HTT: variants seen among roughly 807,000 people sequenced by gnomAD.
HTT encodes huntington disease protein.
A neutral mutation model predicts 362.3 loss-of-function variants in HTT; 104 were observed. The ratio of observed to expected loss-of-function variants is 0.29; its 90% CI spans 0.24 to 0.34. The LOEUF (loss-of-function observed/expected upper bound fraction) is 0.34. HTT is among the 10% of genes least tolerant of loss of function. The pLI is 1.00. For synonymous variants in HTT, 1,577 were observed against 1,548.7 expected (o/e 1.02, Z -0.43); for missense variants, 3,301 against 3,928.6 (o/e 0.84, Z 4.27).
At chr4:3,238,730 G>GGCCCCCCCCCCACCCCCCCCC in intron 65 of HTT, 88 bp from the exon 66 acceptor site, 1 of 1,097,040 alleles carries the variant, frequency 9.1e-7, no homozygotes, top group Non-Finnish European at 1.3e-6. Flanking sequence ...AATGCCTCTG[G>GGCCCCCCCCCCACCCCCCCCC]CCCCCACCCC....
Position 3,187,639 on chromosome 4 carries a change from T to A in HTT, c.4990-12T>A. ...TTCTTCAGCTGTGACTTATGTATTA[T>A]GTTTATTTTAGGCGTCCGTGAGCAC... On this transcript the variant is annotated splice_polypyrimidine_tract_variant and intron_variant, in intron 38 of 66. Coordinates refer to ENST00000355072, the MANE Select transcript of HTT (RefSeq NM_001388492.1). The A allele has an allele frequency of 6.3e-7, 1 of 1,592,860 alleles. No individual in the cohort carries two copies. The highest frequency in any genetic ancestry group is 8.6e-7 in the Non-Finnish European group (1 of 1,161,826).
At chr4:3,172,701 A>G (rs1015896339) in intron 30 of HTT, among the ~76,000 whole-genome samples, 4 of 152,200 alleles carry the variant, frequency 2.6e-5, no homozygotes, top group Non-Finnish European at 5.9e-5. Flanking sequence ...TAGAATTGCA[A>G]GGAAACCCAA....
chr4:3,127,372 C>T lies in HTT; in HGVS notation c.1511C>T (p.Thr504Ile). The T allele has an allele frequency of 1.9e-6, 3 of 1,614,202 alleles. No homozygotes were observed. The highest frequency in any genetic ancestry group is 2.5e-6 in the Non-Finnish European group (3 of 1,180,036). Residue 504 changes from threonine (T) to isoleucine (I), a missense_variant, in exon 12 of 67, where the codon ACA becomes ATA. Physicochemically the swap from Thr to Ile is moderately conservative, Grantham distance 89. Transcript: ENST00000355072. ...ACAGAACAGCCACGGTCACAGCACA[C>T]ACTGCAGGCGGACTCAGTGGATCTG... Reference protein sequence around the residue: ...IITEQPRSQHTLQADSVDLAS... With the variant: ...IITEQPRSQHILQADSVDLAS...
intron 2 of HTT, among the ~76,000 whole-genome samples, chr4:3,092,289 G>T (rs900402458): frequency 2.6e-5 from 4 of 152,066 alleles, no homozygotes; most frequent in African/African-American, 7.2e-5. Context: ...CCCAGTGTTG[G>T]GATTACAGGT....
intron 28 of HTT, 32 bp downstream of exon 28, chr4:3,157,231 A>G (rs1406653530): frequency 6.3e-7 from 1 of 1,588,494 alleles, no homozygotes; most frequent in Admixed American, 1.7e-5. Context: ...AAAAATATAT[A>G]TGCACACATA....
At position 3,089,195 on chromosome 4, in the gene HTT, G is replaced by A. The variant is rs376165087; in HGVS notation, c.347+2173G>A. Among the ~76,000 whole-genome samples the A allele has an allele frequency of 1.7e-4, 26 of 152,172 alleles. No homozygotes were observed. In the East Asian group the frequency reaches 4.3e-3, roughly 25 times the overall value. ...AGCAACTGCATAGATATGTTCATTA[G>A]CCACCTGAGCGGGAAGCGTATCCCA... On this transcript the variant is annotated intron_variant, in intron 2 of 66. Coordinates refer to ENST00000355072, the MANE Select transcript of HTT (RefSeq NM_001388492.1).
intron 1 of HTT, among the ~76,000 whole-genome samples, chr4:3,075,997 G>C (rs537968180): frequency 3.7e-4 from 56 of 152,140 alleles, no homozygotes; most frequent in Non-Finnish European, 7.9e-4. Context: ...ATTGCCGAGG[G>C]ATGAATGAGG....
intron 64 of HTT, among the ~76,000 whole-genome samples, chr4:3,238,173 A>G (rs1262727961): frequency 6.6e-6 from 1 of 152,210 alleles, no homozygotes; most frequent in South Asian, 2.1e-4. Flanking sequence ...TGGTCCCTAC[A>G]GGGTGTGGGA....
chr4:3,140,365 A>G, intron 21 of HTT, 145 bp from the exon 22 acceptor site: 2 of 643,366 alleles, frequency 3.1e-6, no homozygotes, highest in East Asian at 2.7e-5. Flanking sequence ...ACGTGCTTGA[A>G]GAACGCCACC....
At chr4:3,076,772 T>C (rs1312646779) in intron 1 of HTT, among the ~76,000 whole-genome samples, 1 of 152,232 alleles carries the variant, frequency 6.6e-6, no homozygotes, top group Non-Finnish European at 1.5e-5. Context: ...TGACAGAACC[T>C]GCATTTGCTT....
chr4:3,156,631 G>A (rs1440251276), intron 27 of HTT, among the ~76,000 whole-genome samples: 2 of 152,228 alleles, frequency 1.3e-5, no homozygotes, highest in African/African-American at 4.8e-5. Context: ...TTAATATTTA[G>A]TATCGGTTTA....
At chr4:3,152,409 T>G (rs2110210037) in intron 26 of HTT, among the ~76,000 whole-genome samples, 1 of 152,298 alleles carries the variant, frequency 6.6e-6, no homozygotes, top group Admixed American at 6.5e-5. Flanking sequence ...GGAAACAGCA[T>G]TCTTGAGATA....
chr4:3,182,949 C>G (rs1178191823), intron 37 of HTT, among the ~76,000 whole-genome samples: 1 of 152,140 alleles, frequency 6.6e-6, no homozygotes, highest in African/African-American at 2.4e-5. Context: ...GTCGTGTAAT[C>G]TCACTGCAAC....
At chr4:3,107,184 G>C (rs1370668682) in intron 5 of HTT, 101 bp from the exon 6 acceptor site, 2 of 1,227,872 alleles carry the variant, frequency 1.6e-6, no homozygotes, top group African/African-American at 3.0e-5. Flanking sequence ...ATTAGGGACT[G>C]TTGGAATATA....
intron 40 of HTT, among the ~76,000 whole-genome samples, chr4:3,199,148 C>T (rs1169356546): frequency 6.6e-6 from 1 of 152,242 alleles, no homozygotes; most frequent in African/African-American, 2.4e-5. Flanking sequence ...ACTTTCGCAG[C>T]TCTTGGCTTG....
At chr4:3,125,951 T>C (rs187572358) in intron 11 of HTT, among the ~76,000 whole-genome samples, 28 of 151,772 alleles carry the variant, frequency 1.8e-4, no homozygotes, top group Middle Eastern at 6.8e-3. Context: ...ATGCTGGGGG[T>C]TGGGAAATGG....
In HTT at chr4:3,074,949, C is replaced by CAG; in HGVS notation, c.124_125insAG (p.Pro42GlnfsTer60). 2 of 1,486,338 alleles carry CAG rather than the reference C, an allele frequency of 1.3e-6. No homozygotes were observed. Among genetic ancestry groups the CAG allele is most frequent in the Non-Finnish European group, 1.8e-6 (2 of 1,121,764 alleles). 92.1% of individuals were successfully genotyped at this position (1,486,338 alleles called of 1,614,324 possible). A position where few individuals can be genotyped will look rare whatever the true frequency, so the allele number is the denominator to read the frequency against. On this transcript the variant is annotated frameshift_variant, in exon 1 of 67. Transcript: ENST00000355072. LOFTEE classifies it high-confidence loss of function. ...GCAGCAGCAGCAACAGCCGCCACCG[C>CAG]CGCCGCCGCCGCCGCCGCCTCCTCA...
intron 1 of HTT, among the ~76,000 whole-genome samples, chr4:3,086,557 G>A (rs1241851517): frequency 3.3e-5 from 5 of 152,268 alleles, no homozygotes; most frequent in East Asian, 3.9e-4. Context: ...TGTGGTCCGC[G>A]CCACTCAGGA....
intron 48 of HTT, 128 bp from the exon 49 acceptor site, chr4:3,212,436 G>C (rs1265192129): frequency 5.7e-6 from 7 of 1,219,912 alleles, no homozygotes; most frequent in South Asian, 2.8e-5. Flanking sequence ...GGACGGATGT[G>C]TAGATGTGCC....
Sources: allele counts gnomAD v4.1 joint callset (sites outside exome capture counted in the v4.1 genomes callset), GRCh38; gene constraint gnomAD v4.1.1; transcripts MANE v1.5; gene names NCBI Gene and HGNC (gene_info 2026-07-23, HGNC 2026-07-21).